ST7: variants seen among roughly 807,000 people sequenced by gnomAD.
The protein encoded by ST7 is suppression of tumorigenicity 7.
ST7 carries 28 observed loss-of-function variants against 78.7 expected under a neutral mutation model. The observed-to-expected ratio is 0.36, with a 90% CI of 0.26 to 0.49. The LOEUF is 0.49. Among genes scored for constraint, ST7 ranks in the 20% least tolerant of loss-of-function variants. The pLI is 0.99. For synonymous variants in ST7, 247 were observed against 249.6 expected, an observed-to-expected ratio of 0.99 and a Z score of 0.10; for missense variants, 418 against 696.0, an observed-to-expected ratio of 0.60 and a Z score of 4.49.
chr7:117,167,157 G>C (rs1807627014), intron 9 of ST7, among the ~76,000 whole-genome samples: 1 of 151,256 alleles, frequency 6.6e-6, no homozygotes, highest in Non-Finnish European at 1.5e-5. Context: ...TGCCATGCTG[G>C]TGTGCTGCAC....
intron 10 of ST7, among the ~76,000 whole-genome samples, chr7:117,188,437 A>G (rs1809460337): frequency 6.6e-6 from 1 of 152,184 alleles, no homozygotes; most frequent in Non-Finnish European, 1.5e-5. Flanking sequence ...GGTTGCAAGT[A>G]TTAAATACTA....
At chr7:117,161,775 T>C (rs1370085415) in intron 9 of ST7, among the ~76,000 whole-genome samples, 1 of 151,784 alleles carries the variant, frequency 6.6e-6, no homozygotes, top group Non-Finnish European at 1.5e-5. Flanking sequence ...AATTTTTGTA[T>C]TTTTAGTAGA....
intron 9 of ST7, among the ~76,000 whole-genome samples, chr7:117,169,231 G>A (rs1037606487): frequency 6.6e-6 from 1 of 151,280 alleles, no homozygotes; most frequent in African/African-American, 2.4e-5. Flanking sequence ...CACCTCCTGG[G>A]TTCAAGTGAT....
At chr7:117,149,592 CTTTTTT>C (rs59067333) in intron 9 of ST7, among the ~76,000 whole-genome samples, 5 of 83,958 alleles carry the variant, frequency 6.0e-5, no homozygotes, top group African/African-American at 1.4e-4. Context: ...CGTGTCCTAC[CTTTTTT>C]TTTTTTTTTT....
At chr7:117,022,085 G>T (rs555250500) in intron 1 of ST7, among the ~76,000 whole-genome samples, 8 of 152,234 alleles carry the variant, frequency 5.3e-5, no homozygotes, top group African/African-American at 1.7e-4. Context: ...CTCTAACATT[G>T]TCTGCTCAGT....
intron 9 of ST7, chr7:117,145,352 G>A (rs1445972954): frequency 1.3e-5 from 2 of 152,078 alleles, no homozygotes; most frequent in African/African-American, 4.8e-5. Context: ...ATAACAAAAT[G>A]CCCCAAACTA....
chr7:116,976,484 A>G (rs1562988577), intron 1 of ST7, among the ~76,000 whole-genome samples: 1 of 152,272 alleles, frequency 6.6e-6, no homozygotes, highest in East Asian at 1.9e-4. Context: ...CTCTTGGACT[A>G]ACAGTTACCT....
chr7:117,015,895 C>T (rs1182183107), intron 1 of ST7, among the ~76,000 whole-genome samples: 1 of 152,124 alleles, frequency 6.6e-6, no homozygotes, highest in Admixed American at 6.5e-5. Context: ...TTTTCATACC[C>T]AGTGTAATAT....
chr7:117,007,260 T>C (rs1795195737), intron 1 of ST7, among the ~76,000 whole-genome samples: 3 of 152,166 alleles, frequency 2.0e-5, no homozygotes, highest in Non-Finnish European at 4.4e-5. Flanking sequence ...AACACACAAA[T>C]GTAACAGAAT....
At chr7:117,010,821 G>T (rs1057204561) in intron 1 of ST7, among the ~76,000 whole-genome samples, 1 of 152,338 alleles carries the variant, frequency 6.6e-6, no homozygotes, top group African/African-American at 2.4e-5. Context: ...ATTTAAGAGG[G>T]AAGAGTGAAG....
intron 1 of ST7, among the ~76,000 whole-genome samples, chr7:117,069,305 G>A (rs1245429843): frequency 6.6e-6 from 1 of 151,838 alleles, no homozygotes; most frequent in Non-Finnish European, 1.5e-5. Flanking sequence ...TCAGAACACA[G>A]GGGGAAATCA....
chr7:117,025,416 ATT>A (rs1796133962), intron 1 of ST7, among the ~76,000 whole-genome samples: 1 of 152,148 alleles, frequency 6.6e-6, no homozygotes, highest in Non-Finnish European at 1.5e-5. Flanking sequence ...AAACTAGGTA[ATT>A]TAGGAACATG....
chr7:117,167,151 A>G (rs1485250478), intron 9 of ST7, among the ~76,000 whole-genome samples: 1 of 151,136 alleles, frequency 6.6e-6, no homozygotes, highest in Non-Finnish European at 1.5e-5. Context: ...TACATGTGCC[A>G]TGCTGGTGTG....
chr7:117,018,392 G>A (rs1440446995), intron 1 of ST7, among the ~76,000 whole-genome samples: 4 of 151,980 alleles, frequency 2.6e-5, no homozygotes, highest in Non-Finnish European at 4.4e-5. Context: ...CTTGGTTGTC[G>A]ATGTGACTGT....
chr7:117,192,993 T>C (rs1277616219), intron 12 of ST7, among the ~76,000 whole-genome samples: 3 of 152,190 alleles, frequency 2.0e-5, no homozygotes, highest in Admixed American at 1.3e-4. Context: ...TCATTGGTGA[T>C]TGTGCTGAGG....
intron 7 of ST7, among the ~76,000 whole-genome samples, chr7:117,135,714 T>A (rs1804733686): frequency 6.6e-6 from 1 of 152,116 alleles, no homozygotes; most frequent in Non-Finnish European, 1.5e-5. Context: ...TGCTGGCTAC[T>A]GTACTGAGCA....
In ST7 at chr7:117,109,773, G is replaced by A. The variant is rs149583011; in HGVS notation, c.235-9788G>A. ...CTACAGATCAATATCTCTGATGAACGTAGATACAAAAATTCTCAGTAAAAT... is the reference window on the plus strand; with the variant it reads ...CTACAGATCAATATCTCTGATGAACATAGATACAAAAATTCTCAGTAAAAT... On this transcript the variant is annotated intron_variant, in intron 2 of 15. Coordinates refer to ENST00000323984, the MANE Select transcript of ST7 (RefSeq NM_001369598.1). Among the ~76,000 whole-genome samples the A allele has an allele frequency of 2.6e-3, 402 of 152,156 alleles. 1 individual carries two copies. Among genetic ancestry groups the A allele is most frequent in the African/African-American group, 8.8e-3 (364 of 41,540 alleles).
chr7:117,063,436 C>A (rs1446492493), intron 1 of ST7, among the ~76,000 whole-genome samples: 1 of 152,194 alleles, frequency 6.6e-6, no homozygotes. Context: ...GGGCCAGGCA[C>A]AGTGGCTCAT....
chr7:117,200,837 A>T (rs1448402267), intron 12 of ST7, among the ~76,000 whole-genome samples: 2 of 146,190 alleles, frequency 1.4e-5, no homozygotes, highest in African/African-American at 5.3e-5. Context: ...TTTTTTTTAA[A>T]AAAAAAAGAA....
Sources: allele counts gnomAD v4.1 joint callset (sites outside exome capture counted in the v4.1 genomes callset), GRCh38; gene constraint gnomAD v4.1.1; transcripts MANE v1.5; gene names NCBI Gene and HGNC (gene_info 2026-07-23, HGNC 2026-07-21).